GRM3: variants seen among roughly 807,000 people sequenced by gnomAD.
GRM3 encodes metabotropic glutamate receptor 3.
Under a neutral mutation model 70.5 loss-of-function variants are expected in GRM3, and 26 were observed. The ratio of observed to expected loss-of-function variants is 0.37; its 90% CI spans 0.27 to 0.51. The LOEUF is 0.51. Among genes scored for constraint, GRM3 ranks in the 20% least tolerant of loss-of-function variants. GRM3 has a pLI of 0.93. For synonymous variants in GRM3, 443 were observed against 434.9 expected (o/e 1.02, Z -0.23); for missense variants, 859 against 1,123.8 (o/e 0.76, Z 3.37).
At chr7:86,733,168 G>A (rs1795777099) in intron 1 of GRM3, among the ~76,000 whole-genome samples, 1 of 151,992 alleles carries the variant, frequency 6.6e-6, no homozygotes, top group South Asian at 2.1e-4. Flanking sequence ...CTAAAAATTA[G>A]CCAAGCATGC....
chr7:86,710,336 T>C (rs1440365907), intron 1 of GRM3: 1 of 151,868 alleles, frequency 6.6e-6, no homozygotes, highest in East Asian at 1.9e-4. Flanking sequence ...CCATTCTAAG[T>C]GGTTATTCCT....
chr7:86,670,995 C>G (rs1794156997), intron 1 of GRM3, among the ~76,000 whole-genome samples: 1 of 152,170 alleles, frequency 6.6e-6, no homozygotes, highest in African/African-American at 2.4e-5. Flanking sequence ...TCAAATGTAG[C>G]TTTCATGAAA....
chr7:86,732,110 T>C (rs1795747985), intron 1 of GRM3, among the ~76,000 whole-genome samples: 1 of 152,184 alleles, frequency 6.6e-6, no homozygotes, highest in Admixed American at 6.5e-5. Context: ...AAGATGTGAA[T>C]TATATTCTAT....
chr7:86,646,465 C>A (rs917011937), intron 1 of GRM3, among the ~76,000 whole-genome samples: 6 of 152,070 alleles, frequency 3.9e-5, no homozygotes, highest in Non-Finnish European at 7.4e-5. Flanking sequence ...AACACAGGAG[C>A]TCAGGATGGA....
At chr7:86,821,349 G>A (rs1798116363) in intron 3 of GRM3, among the ~76,000 whole-genome samples, 1 of 151,998 alleles carries the variant, frequency 6.6e-6, no homozygotes, top group South Asian at 2.1e-4. Flanking sequence ...ACAGCACAGT[G>A]GTTACACAGT....
chr7:86,860,946 C>G (rs1268023747), intron 5 of GRM3, among the ~76,000 whole-genome samples: 4 of 152,164 alleles, frequency 2.6e-5, no homozygotes, highest in African/African-American at 4.8e-5. Context: ...GTATTTGAAT[C>G]CTAGGCCTTA....
intron 1 of GRM3, among the ~76,000 whole-genome samples, chr7:86,671,339 T>C (rs939514536): frequency 6.6e-6 from 1 of 152,240 alleles, no homozygotes; most frequent in African/African-American, 2.4e-5. Flanking sequence ...GTTTAGATGT[T>C]TGTCCTGTCA....
At chr7:86,708,303 A>T (rs540860185) in intron 1 of GRM3, among the ~76,000 whole-genome samples, 99 of 152,270 alleles carry the variant, frequency 6.5e-4, no homozygotes, top group African/African-American at 2.2e-3. Flanking sequence ...TTGTATCACC[A>T]GTTCTCCAAT....
intron 3 of GRM3, among the ~76,000 whole-genome samples, chr7:86,835,089 C>G (rs1042637122): frequency 6.6e-5 from 10 of 151,796 alleles, no homozygotes; most frequent in Admixed American, 6.6e-4. Context: ...TATAAAATGA[C>G]CATACAACTG....
chr7:86,831,079 A>G (rs918501458), intron 3 of GRM3, among the ~76,000 whole-genome samples: 12 of 152,210 alleles, frequency 7.9e-5, no homozygotes, highest in Admixed American at 3.9e-4. Context: ...CAGGCAGACC[A>G]TGAGACAATA....
chr7:86,703,172 T>G (rs1794983263), intron 1 of GRM3, among the ~76,000 whole-genome samples: 1 of 151,952 alleles, frequency 6.6e-6, no homozygotes, highest in Non-Finnish European at 1.5e-5. Context: ...AGTCAATGTT[T>G]TTCATTTAAA....
At chr7:86,758,884 T>C (rs1796413384) in intron 1 of GRM3, among the ~76,000 whole-genome samples, 1 of 152,170 alleles carries the variant, frequency 6.6e-6, no homozygotes, top group Admixed American at 6.6e-5. Flanking sequence ...ATATGCCGAC[T>C]GGCAACGTCC....
At chr7:86,802,817 G>A (rs996461395) in intron 3 of GRM3, among the ~76,000 whole-genome samples, 2 of 152,122 alleles carry the variant, frequency 1.3e-5, no homozygotes, top group African/African-American at 2.4e-5. Flanking sequence ...TGTTTAATGT[G>A]TTTAAAAGCT....
At position 86,786,814 on chromosome 7, in the gene GRM3, A is replaced by AC; in HGVS notation, c.1026dup (p.Tyr343LeufsTer78). On this transcript the variant is annotated frameshift_variant, in exon 3 of 6. Transcript: ENST00000361669. LOFTEE classifies it high-confidence loss of function. The surrounding 1 kb of genome is among the most constrained non-coding windows in gnomAD (Gnocchi z 6.0). ...TTCGACCGCTACTTCCAGAGCCTCA[A>AC]CCCCTACAACAACCACCGCAACCCC... is the stretch of plus-strand genomic sequence containing the variant. The AC allele has an allele frequency of 6.2e-7, 1 of 1,614,126 alleles. No homozygotes were observed. The highest frequency in any genetic ancestry group is 8.5e-7 in the Non-Finnish European group (1 of 1,180,012).
intron 1 of GRM3, among the ~76,000 whole-genome samples, chr7:86,737,531 G>GT (rs1369155955): frequency 6.6e-6 from 1 of 152,138 alleles, no homozygotes; most frequent in Non-Finnish European, 1.5e-5. Flanking sequence ...GGAATGAAAC[G>GT]TAACACAGTA....
intron 1 of GRM3, among the ~76,000 whole-genome samples, chr7:86,694,527 AAGAAAAGAAAGAAAG>A (rs1273298175): frequency 1.1e-4 from 13 of 122,908 alleles, no homozygotes; most frequent in East Asian, 2.6e-4. Context: ...AAAAAAAAAA[AAGAAAAGAAAGAAAG>A]AAAAGAAAGA....
At chr7:86,855,168 G>T (rs1798823431) in intron 5 of GRM3, among the ~76,000 whole-genome samples, 1 of 152,172 alleles carries the variant, frequency 6.6e-6, no homozygotes, top group Admixed American at 6.5e-5. Context: ...GAGATTCCCA[G>T]AGTTGGTTCC....
At chr7:86,728,763 T>G (rs1584197405) in intron 1 of GRM3, among the ~76,000 whole-genome samples, 1 of 152,194 alleles carries the variant, frequency 6.6e-6, no homozygotes, top group Non-Finnish European at 1.5e-5. Flanking sequence ...TGGGATTTTA[T>G]CATTTAGCTA....
At chr7:86,698,558 A>G (rs1413361875) in intron 1 of GRM3, among the ~76,000 whole-genome samples, 1 of 142,684 alleles carries the variant, frequency 7.0e-6, no homozygotes, top group African/African-American at 2.8e-5. Flanking sequence ...TTATTATTAT[A>G]TATATAATTA....
Sources: allele counts gnomAD v4.1 joint callset (sites outside exome capture counted in the v4.1 genomes callset), GRCh38; gene constraint gnomAD v4.1.1; non-coding constraint Gnocchi (gnomAD v3.1); transcripts MANE v1.5; gene names NCBI Gene and HGNC (gene_info 2026-07-23, HGNC 2026-07-21).